ELOVL7: variants seen among roughly 807,000 people sequenced by gnomAD.
ELOVL7 encodes very long chain fatty acid elongase 7.
ELOVL7 carries 27 observed loss-of-function variants against 35.7 expected under a neutral mutation model. The observed-to-expected ratio is 0.76, with a 90% CI of 0.56 to 1.04. The LOEUF (loss-of-function observed/expected upper bound fraction) is 1.04. ELOVL7 is among the 50% of genes least tolerant of loss of function. The pLI, the probability that ELOVL7 is intolerant of heterozygous loss-of-function variation, is 0.00. For missense variants in ELOVL7, 327 were observed against 340.8 expected (o/e 0.96, Z 0.32); for synonymous variants, 113 against 114.6 (o/e 0.99, Z 0.09).
chr5:60,785,790 C>T (rs1009593268), intron 3 of ELOVL7: 5 of 152,096 alleles, frequency 3.3e-5, no homozygotes, highest in African/African-American at 4.8e-5. Flanking sequence ...TATCCCCTAC[C>T]ACAGTGAAGC....
At chr5:60,838,968 A>G (rs1299184200) in intron 1 of ELOVL7, among the ~76,000 whole-genome samples, 2 of 151,420 alleles carry the variant, frequency 1.3e-5, no homozygotes, top group African/African-American at 4.9e-5. Context: ...GGTTGCAGTG[A>G]GCAGAGATAG....
At position 60,772,096 on chromosome 5, in the gene ELOVL7, A is replaced by G; in HGVS notation, c.65-3T>C. The G allele has an allele frequency of 6.3e-7, 1 of 1,599,290 alleles. No homozygotes were observed. Among genetic ancestry groups the G allele is most frequent in the South Asian group, 1.1e-5 (1 of 89,206 alleles). ...GAGCCAATCTTCAACTCTTGGATCT[A>G]AGAGAAAAACAATATGTGAGTACAC... On this transcript the variant is annotated splice_region_variant and splice_polypyrimidine_tract_variant and intron_variant, in intron 3 of 8. Coordinates refer to ENST00000508821, the MANE Select transcript of ELOVL7 (RefSeq NM_024930.3).
At chr5:60,789,333 C>A (rs982679486) in intron 2 of ELOVL7, among the ~76,000 whole-genome samples, 1 of 152,162 alleles carries the variant, frequency 6.6e-6, no homozygotes. Flanking sequence ...AAAGGAAATA[C>A]AAGTGGCACT....
intron 3 of ELOVL7, among the ~76,000 whole-genome samples, chr5:60,772,520 G>A (rs10471496): frequency 0.2 from 30,152 of 152,098 alleles, 5,623 homozygotes; most frequent in African/African-American, 0.49. Context: ...AAACTACCCA[G>A]TCTATGATAA....
At chr5:60,838,585 C>T (rs1746968149) in intron 1 of ELOVL7, among the ~76,000 whole-genome samples, 1 of 152,300 alleles carries the variant, frequency 6.6e-6, no homozygotes, top group East Asian at 1.9e-4. Context: ...GGCTCTTTTA[C>T]CCTACATTAG....
intron 7 of ELOVL7, among the ~76,000 whole-genome samples, chr5:60,759,621 A>G (rs1741760427): frequency 6.7e-6 from 1 of 148,750 alleles, no homozygotes; most frequent in Non-Finnish European, 1.5e-5. Flanking sequence ...TTTTTTTTTA[A>G]TTTGTCTAAA....
chr5:60,817,672 A>C (rs1745597515), intron 1 of ELOVL7, among the ~76,000 whole-genome samples: 1 of 147,950 alleles, frequency 6.8e-6, no homozygotes, highest in Admixed American at 6.8e-5. Context: ...ATATATACAC[A>C]TATATACACA....
chr5:60,832,519 C>A (rs1458986689), intron 1 of ELOVL7, among the ~76,000 whole-genome samples: 1 of 152,166 alleles, frequency 6.6e-6, no homozygotes, highest in Non-Finnish European at 1.5e-5. Flanking sequence ...GCACCCACCA[C>A]CACACCTAGC....
intron 1 of ELOVL7, among the ~76,000 whole-genome samples, chr5:60,819,676 C>T (rs1745774393): frequency 6.6e-6 from 1 of 152,114 alleles, no homozygotes; most frequent in South Asian, 2.1e-4. Flanking sequence ...ATCCTGCCTA[C>T]TCAGGAGGCT....
chr5:60,791,958 C>T (rs1417081756), intron 2 of ELOVL7, among the ~76,000 whole-genome samples: 1 of 152,120 alleles, frequency 6.6e-6, no homozygotes, highest in East Asian at 1.9e-4. Context: ...TTCCCCTCCC[C>T]AGTCCTCACC....
At chr5:60,782,684 G>C (rs1228615719) in intron 3 of ELOVL7, among the ~76,000 whole-genome samples, 1 of 152,180 alleles carries the variant, frequency 6.6e-6, no homozygotes, top group African/African-American at 2.4e-5. Context: ...ATTATGCTAA[G>C]TAAGATAAAC....
chr5:60,782,125 T>A (rs564824159), intron 3 of ELOVL7, among the ~76,000 whole-genome samples: 1 of 152,270 alleles, frequency 6.6e-6, no homozygotes, highest in Non-Finnish European at 1.5e-5. Context: ...AGATAACAAA[T>A]GGCCAACGGA....
chr5:60,804,244 CT>C (rs1161891635), intron 1 of ELOVL7, among the ~76,000 whole-genome samples: 2 of 152,192 alleles, frequency 1.3e-5, no homozygotes, highest in Non-Finnish European at 2.9e-5. Flanking sequence ...TATTTTTACT[CT>C]TATTGATAAT....
intron 1 of ELOVL7, among the ~76,000 whole-genome samples, chr5:60,819,152 A>C (rs1745740566): frequency 1.4e-5 from 2 of 140,384 alleles, no homozygotes; most frequent in Non-Finnish European, 3.1e-5. Context: ...AGAGCTTGAT[A>C]TAGACCTCAA....
At position 60,828,161 on chromosome 5, in the gene ELOVL7, G is replaced by A. The variant is rs552362503; in HGVS notation, c.-86+15999C>T. Reference sequence around the variant, plus strand: ...AACCAAGCTGGAATTCCTGCTTGTGGGCTTCATTAACAGGACCCCTTTGAC... The same window carrying A: ...AACCAAGCTGGAATTCCTGCTTGTGAGCTTCATTAACAGGACCCCTTTGAC... On this transcript the variant is annotated intron_variant, in intron 1 of 8. Coordinates refer to ENST00000508821, the MANE Select transcript of ELOVL7 (RefSeq NM_024930.3). 5.3e-5 allele frequency among the ~76,000 whole-genome samples: 8 copies of A among 152,144 alleles called. No individual in the cohort carries two copies. In the South Asian group the frequency reaches 1.5e-3, roughly 28 times the overall value.
At chr5:60,826,874 A>G (rs1444694166) in intron 1 of ELOVL7, among the ~76,000 whole-genome samples, 2 of 152,184 alleles carry the variant, frequency 1.3e-5, no homozygotes, top group East Asian at 3.9e-4. Flanking sequence ...GAAACATTTT[A>G]GGTACTGAAA....
intron 2 of ELOVL7, among the ~76,000 whole-genome samples, chr5:60,793,491 A>G (rs1234136244): frequency 6.6e-6 from 1 of 152,186 alleles, no homozygotes; most frequent in Non-Finnish European, 1.5e-5. Flanking sequence ...TGGGGGTAGC[A>G]TACACAGAGC....
intron 1 of ELOVL7, among the ~76,000 whole-genome samples, chr5:60,839,028 AAAT>A (rs943179998): frequency 3.4e-5 from 5 of 148,234 alleles, no homozygotes; most frequent in South Asian, 4.3e-4. Flanking sequence ...TGTCAAAAAA[AAAT>A]ATATATATAT....
chr5:60,790,734 C>T (rs186253618), intron 2 of ELOVL7, among the ~76,000 whole-genome samples: 1 of 152,242 alleles, frequency 6.6e-6, no homozygotes, highest in East Asian at 1.9e-4. Flanking sequence ...TTTTCAATCC[C>T]ACCATTTAAT....
Sources: gnomAD v4.1 joint callset for allele counts (sites outside exome capture counted in the v4.1 genomes callset) on GRCh38, gnomAD v4.1.1 for gene constraint, MANE v1.5 for transcripts, NCBI Gene and HGNC (gene_info 2026-07-23, HGNC 2026-07-21) for gene names.